CDIN1: variants seen among roughly 807,000 people sequenced by gnomAD.
CDIN1 encodes the protein CDAN1-interacting nuclease 1.
Under a neutral mutation model 45.3 loss-of-function variants are expected in CDIN1, and 33 were observed. The ratio of observed to expected loss-of-function variants is 0.73; its 90% CI spans 0.55 to 0.97. The LOEUF (loss-of-function observed/expected upper bound fraction) is 0.97, where lower values mean the gene tolerates loss of function less well. Ranked by LOEUF, CDIN1 falls within the 50% of genes least tolerant of loss-of-function variation. The pLI, the probability that CDIN1 is intolerant of heterozygous loss-of-function variation, is 0.00. For synonymous variants in CDIN1, 118 were observed against 124.4 expected (o/e 0.95, Z 0.34); for missense variants, 303 against 339.4 (o/e 0.89, Z 0.84).
At chr15:36,645,201 G>GT in intron 2 of CDIN1, 22 bp from the exon 3 acceptor site, 1 of 1,536,342 alleles carries the variant, frequency 6.5e-7, no homozygotes. Context: ...ATTTTTTTGT[G>GT]TTGTTGTTTT....
chr15:36,790,606 C>G (rs2054619542), intron 10 of CDIN1, among the ~76,000 whole-genome samples: 1 of 152,184 alleles, frequency 6.6e-6, no homozygotes, highest in African/African-American at 2.4e-5. Flanking sequence ...ATTACACATT[C>G]TACGCATGTA....
At chr15:36,668,041 A>T (rs941407743) in intron 5 of CDIN1, 10 of 152,250 alleles carry the variant, frequency 6.6e-5, no homozygotes, top group Non-Finnish European at 7.4e-5. Context: ...ACTGATTATT[A>T]TGTGTAGGTA....
chr15:36,686,792 G>T (rs1341101881), intron 5 of CDIN1, among the ~76,000 whole-genome samples: 1 of 133,710 alleles, frequency 7.5e-6, no homozygotes, highest in Admixed American at 8.1e-5. Context: ...CAGAGGGACA[G>T]ACAGAAGGAT....
chr15:36,668,754 T>C (rs2140522724), intron 5 of CDIN1, among the ~76,000 whole-genome samples: 1 of 152,242 alleles, frequency 6.6e-6, no homozygotes, highest in Non-Finnish European at 1.5e-5. Flanking sequence ...ATATGTCGAG[T>C]TGGAGTCCCA....
intron 4 of CDIN1, among the ~76,000 whole-genome samples, chr15:36,657,611 T>C (rs1040559842): frequency 6.6e-6 from 1 of 152,124 alleles, no homozygotes; most frequent in African/African-American, 2.4e-5. Context: ...TGCTCCAATG[T>C]TATATTCAAT....
At chr15:36,659,966 C>CTTTTTTTTTTTTTTTTTTTTT (rs778988517) in intron 5 of CDIN1, among the ~76,000 whole-genome samples, 4 of 105,146 alleles carry the variant, frequency 3.8e-5, no homozygotes, top group Non-Finnish European at 5.4e-5. Context: ...CCTTCCTTTT[C>CTTTTTTTTTTTTTTTTTTTTT]TTTTTTTTTT....
chr15:36,738,928 G>T (rs1165851029), intron 10 of CDIN1, among the ~76,000 whole-genome samples: 1 of 152,130 alleles, frequency 6.6e-6, no homozygotes, highest in Non-Finnish European at 1.5e-5. Flanking sequence ...ATTTTGAATA[G>T]GCATAATGTA....
chr15:36,761,877 A>G (rs554871761), intron 10 of CDIN1, among the ~76,000 whole-genome samples: 8 of 152,298 alleles, frequency 5.3e-5, no homozygotes, highest in African/African-American at 1.7e-4. Flanking sequence ...AAAAAATAAA[A>G]TAGAGATTGC....
chr15:36,749,182 T>A (rs1383736292), intron 10 of CDIN1, among the ~76,000 whole-genome samples: 1 of 152,220 alleles, frequency 6.6e-6, no homozygotes, highest in African/African-American at 2.4e-5. Context: ...TTATTGGTTG[T>A]CTTAGACCAT....
intron 10 of CDIN1, among the ~76,000 whole-genome samples, chr15:36,768,743 C>A (rs1258315396): frequency 2.0e-5 from 3 of 152,038 alleles, no homozygotes; most frequent in African/African-American, 7.2e-5. Context: ...GGTAGCCAGG[C>A]TCTGGCGAAG....
chr15:36,757,198 TG>T (rs2053631805), intron 10 of CDIN1, among the ~76,000 whole-genome samples: 2 of 152,284 alleles, frequency 1.3e-5, no homozygotes, highest in South Asian at 4.1e-4. Context: ...ACCTTAAATT[TG>T]TGCTCTGTTT....
At chr15:36,673,115 C>G (rs1471059929) in intron 5 of CDIN1, among the ~76,000 whole-genome samples, 1 of 152,002 alleles carries the variant, frequency 6.6e-6, no homozygotes, top group African/African-American at 2.4e-5. Flanking sequence ...GGAAAAGTAT[C>G]AGCACTTTTT....
At chr15:36,638,525 A>G (rs1017941346) in intron 1 of CDIN1, among the ~76,000 whole-genome samples, 20 of 152,210 alleles carry the variant, frequency 1.3e-4, no homozygotes, top group African/African-American at 4.8e-4. Context: ...GACATATGCA[A>G]TCAGATAGAG....
chr15:36,712,260 C>CTTTTTTTTTTT (rs780494427), intron 10 of CDIN1, among the ~76,000 whole-genome samples: 4 of 77,396 alleles, frequency 5.2e-5, no homozygotes, highest in African/African-American at 5.1e-5. Context: ...TAGACTAATG[C>CTTTTTTTTTTT]TTTTTTTTTT....
At chr15:36,697,139 A>G (rs1181270738) in intron 7 of CDIN1, among the ~76,000 whole-genome samples, 184 bp from the exon 8 acceptor site, 3 of 150,900 alleles carry the variant, frequency 2.0e-5, no homozygotes, top group African/African-American at 4.9e-5. Context: ...AAAAAAAAAA[A>G]GGTTTTAAAA....
At position 36,746,526 on chromosome 15, in the gene CDIN1, C is replaced by T. The variant is rs1483116878; in HGVS notation, c.716+36565C>T. Among the ~76,000 whole-genome samples the T allele has an allele frequency of 2.0e-5, 3 of 151,926 alleles. No homozygotes were observed. In the South Asian group the frequency reaches 6.2e-4, roughly 32 times the overall value. On this transcript the variant is annotated intron_variant, in intron 10 of 10. Coordinates refer to ENST00000566621, the MANE Select transcript of CDIN1 (RefSeq NM_001321759.2). Reference sequence around the variant, plus strand: ...TGTTTAGTGTCCAACTTATTTGCACCAGGAATTGAACTGAGTGCTTCTGAG... The same window carrying T: ...TGTTTAGTGTCCAACTTATTTGCACTAGGAATTGAACTGAGTGCTTCTGAG...
chr15:36,671,444 T>A (rs1257967499), intron 5 of CDIN1, among the ~76,000 whole-genome samples: 1 of 152,146 alleles, frequency 6.6e-6, no homozygotes, highest in Admixed American at 6.6e-5. Context: ...ATTTCCTGTC[T>A]TATTTTTTAA....
chr15:36,594,832 G>A, intron 1 of CDIN1: 8 of 910,150 alleles, frequency 8.8e-6, no homozygotes, highest in Non-Finnish European at 1.0e-5. Flanking sequence ...TTTTTTTTTA[G>A]CATTTCAAGA....
At chr15:36,640,831 A>ACC (rs1195514735) in intron 1 of CDIN1, among the ~76,000 whole-genome samples, 3 of 152,224 alleles carry the variant, frequency 2.0e-5, no homozygotes, top group African/African-American at 7.2e-5. Context: ...ACTTGGGAGC[A>ACC]CATTTAGTTA....
Sources: gnomAD v4.1 joint callset for allele counts (sites outside exome capture counted in the v4.1 genomes callset) on GRCh38, gnomAD v4.1.1 for gene constraint, MANE v1.5 for transcripts, NCBI Gene and HGNC (gene_info 2026-07-23, HGNC 2026-07-21) for gene names.